The following ERBB4 variants were observed in gnomAD, a reference collection of about 807,000 sequenced individuals.
The protein encoded by ERBB4 is receptor tyrosine-protein kinase erbB-4.
ERBB4 carries 42 observed loss-of-function variants against 158.0 expected under a neutral mutation model. That is an observed-to-expected ratio of 0.27 (90% CI 0.21 to 0.34). The LOEUF is 0.34. ERBB4 is among the 10% of genes least tolerant of loss of function. The pLI, the probability that ERBB4 is intolerant of heterozygous loss-of-function variation, is 1.00. For missense variants in ERBB4, 1,333 were observed against 1,624.1 expected (o/e 0.82, Z 3.08); for synonymous variants, 583 against 558.7 (o/e 1.04, Z -0.61).
intron 2 of ERBB4, among the ~76,000 whole-genome samples, chr2:212,092,742 T>C (rs1007366006): frequency 1.8e-4 from 28 of 152,220 alleles, no homozygotes; most frequent in African/African-American, 6.7e-4. Flanking sequence ...ACAATAAAAT[T>C]AGGCAATAAG....
At chr2:212,533,553 G>A (rs10165364) in intron 1 of ERBB4, among the ~76,000 whole-genome samples, 19,328 of 152,060 alleles carry the variant, frequency 0.13, 1,312 homozygotes, top group Non-Finnish European at 0.15. Context: ...AAATTATGTT[G>A]AAGACATACA....
intron 2 of ERBB4, among the ~76,000 whole-genome samples, chr2:212,062,399 CTTTT>C (rs199535512): frequency 6.2e-5 from 5 of 81,292 alleles, no homozygotes; most frequent in African/African-American, 1.7e-4. Flanking sequence ...CTTGTCAATT[CTTTT>C]TTTTTTTTTT....
At chr2:211,483,748 C>G (rs1278026831) in intron 20 of ERBB4, among the ~76,000 whole-genome samples, 1 of 152,074 alleles carries the variant, frequency 6.6e-6, no homozygotes, top group East Asian at 1.9e-4. Flanking sequence ...GACTGGTTCT[C>G]ACTATCTTGG....
At chr2:212,068,238 G>C (rs1473509227) in intron 2 of ERBB4, among the ~76,000 whole-genome samples, 1 of 151,988 alleles carries the variant, frequency 6.6e-6, no homozygotes, top group Non-Finnish European at 1.5e-5. Context: ...AAAGACACAG[G>C]TGATAATGAG....
At chr2:211,652,945 C>A (rs1218403979) in intron 16 of ERBB4, among the ~76,000 whole-genome samples, 2 of 151,666 alleles carry the variant, frequency 1.3e-5, no homozygotes, top group Admixed American at 1.3e-4. Context: ...GAATAGGAGA[C>A]TGAGATTAAA....
chr2:211,556,453 C>T (rs2067239719), intron 20 of ERBB4, among the ~76,000 whole-genome samples: 1 of 152,126 alleles, frequency 6.6e-6, no homozygotes, highest in Non-Finnish European at 1.5e-5. Flanking sequence ...TAGAAATCTA[C>T]AGAAGTCTCC....
chr2:211,659,696 T>C (rs2071346289), intron 15 of ERBB4, among the ~76,000 whole-genome samples: 1 of 152,166 alleles, frequency 6.6e-6, no homozygotes, highest in East Asian at 1.9e-4. Context: ...TACTCATTCA[T>C]TAAAAAAAGC....
chr2:212,075,610 T>C (rs2078250988), intron 2 of ERBB4, among the ~76,000 whole-genome samples: 1 of 151,872 alleles, frequency 6.6e-6, no homozygotes, highest in East Asian at 1.9e-4. Flanking sequence ...AGAAAAACTT[T>C]AGTTCTCTAT....
chr2:211,963,112 T>A (rs2081223292), intron 2 of ERBB4, among the ~76,000 whole-genome samples: 1 of 152,120 alleles, frequency 6.6e-6, no homozygotes, highest in Admixed American at 6.6e-5. Context: ...ATTGTTCACA[T>A]AGGTCCAAAA....
At chr2:211,905,647 CATATATATATATATAT>C (rs56758130) in intron 3 of ERBB4, among the ~76,000 whole-genome samples, 63 of 71,452 alleles carry the variant, frequency 8.8e-4, no homozygotes, top group Middle Eastern at 9.8e-3. Context: ...TAGGAAGGAT[CATATATATATATATAT>C]ATATATATAT....
chr2:212,089,119 T>C (rs1373763663), intron 2 of ERBB4, among the ~76,000 whole-genome samples: 1 of 152,172 alleles, frequency 6.6e-6, no homozygotes, highest in Non-Finnish European at 1.5e-5. Context: ...GAAAAATACA[T>C]TAAAAGCTAA....
chr2:211,892,764 C>T lies in ERBB4; in HGVS notation c.421+54666G>A, dbSNP rs1381412711. Reference sequence around the variant, plus strand: ...ATTCACAAGCATTCTTATACACCAACAACAGACAAACAGAGAGCCAAATCA... The same window carrying T: ...ATTCACAAGCATTCTTATACACCAATAACAGACAAACAGAGAGCCAAATCA... On this transcript the variant is annotated intron_variant, in intron 3 of 27. Transcript: ENST00000342788. 6.9e-5 allele frequency among the ~76,000 whole-genome samples: 10 copies of T among 143,970 alleles called. 1 individual carries two copies. Among genetic ancestry groups the T allele is most frequent in the African/African-American group, 1.6e-4 (6 of 36,558 alleles). The allele number at this position is 143,970 out of a possible 152,430, so 94.4% of individuals were successfully genotyped here.
intron 1 of ERBB4, among the ~76,000 whole-genome samples, chr2:212,356,860 T>C (rs1387599803): frequency 6.6e-6 from 1 of 151,890 alleles, no homozygotes; most frequent in East Asian, 1.9e-4. Flanking sequence ...ATTTCTTGGT[T>C]TTGCTACCTT....
intron 18 of ERBB4, among the ~76,000 whole-genome samples, chr2:211,621,567 T>C (rs1308645530): frequency 6.6e-6 from 1 of 152,218 alleles, no homozygotes; most frequent in East Asian, 1.9e-4. Context: ...TATTAAATGC[T>C]TAAATGGGTA....
intron 1 of ERBB4, among the ~76,000 whole-genome samples, chr2:212,128,726 T>C (rs2080018221): frequency 6.6e-6 from 1 of 152,176 alleles, no homozygotes; most frequent in Admixed American, 6.6e-5. Flanking sequence ...AAATATATAA[T>C]GAAATTACAG....
chr2:211,861,487 G>A (rs1393440124), intron 3 of ERBB4, among the ~76,000 whole-genome samples: 1 of 151,020 alleles, frequency 6.6e-6, no homozygotes, highest in Admixed American at 6.6e-5. Flanking sequence ...ACAGACACGA[G>A]TCACTACACC....
At chr2:211,882,789 C>G (rs1015382778) in intron 3 of ERBB4, among the ~76,000 whole-genome samples, 1 of 152,180 alleles carries the variant, frequency 6.6e-6, no homozygotes, top group African/African-American at 2.4e-5. Context: ...GGTACCAGTT[C>G]TAACAATTGA....
At chr2:211,469,624 C>A (rs1229765430) in intron 20 of ERBB4, among the ~76,000 whole-genome samples, 1 of 152,032 alleles carries the variant, frequency 6.6e-6, no homozygotes, top group East Asian at 1.9e-4. Context: ...GAACTGAAGT[C>A]TTTTTAAATT....
chr2:211,721,160 A>G (rs1163445063), intron 7 of ERBB4, among the ~76,000 whole-genome samples: 1 of 152,134 alleles, frequency 6.6e-6, no homozygotes, highest in Admixed American at 6.5e-5. Context: ...TGTTGTGTGC[A>G]TTTTGACTGT....
Sources: gnomAD v4.1 joint callset for allele counts (sites outside exome capture counted in the v4.1 genomes callset) on GRCh38, gnomAD v4.1.1 for gene constraint, MANE v1.5 for transcripts, NCBI Gene and HGNC (gene_info 2026-07-23, HGNC 2026-07-21) for gene names.